SPIDR: variants seen among roughly 807,000 people sequenced by gnomAD.
SPIDR encodes scaffold protein involved in DNA repair.
In SPIDR, 93 loss-of-function variants were observed where a neutral mutation model predicts 104.6. That is an observed-to-expected ratio of 0.89 (90% CI 0.75 to 1.06). The LOEUF is 1.06. SPIDR is among the 50% of genes least tolerant of loss of function. The pLI, the probability that SPIDR is intolerant of heterozygous loss-of-function variation, is 0.00. For missense variants in SPIDR, 1,154 were observed against 1,111.2 expected (o/e 1.04, Z -0.55); for synonymous variants, 431 against 416.9 (o/e 1.03, Z -0.41).
intron 11 of SPIDR, among the ~76,000 whole-genome samples, chr8:47,695,360 C>G (rs945644452): frequency 1.3e-5 from 2 of 151,922 alleles, no homozygotes; most frequent in African/African-American, 2.4e-5. Context: ...ACATTTTATA[C>G]CCAGAATACA....
intron 5 of SPIDR, among the ~76,000 whole-genome samples, chr8:47,297,148 A>G (rs1398737853): frequency 6.6e-6 from 1 of 152,190 alleles, no homozygotes; most frequent in Non-Finnish European, 1.5e-5. Context: ...ATGTGAGACC[A>G]TGACATCAGC....
chr8:47,485,121 C>T (rs782001592), intron 8 of SPIDR, among the ~76,000 whole-genome samples: 9 of 152,290 alleles, frequency 5.9e-5, no homozygotes, highest in Admixed American at 4.6e-4. Context: ...TGATAGACGA[C>T]GCCTGGAAAA....
intron 5 of SPIDR, among the ~76,000 whole-genome samples, chr8:47,365,532 CCT>C (rs1390209295): frequency 6.6e-6 from 1 of 152,122 alleles, no homozygotes; most frequent in East Asian, 1.9e-4. Flanking sequence ...GTTTAGCTGT[CCT>C]CTCTAGGCGG....
intron 12 of SPIDR, among the ~76,000 whole-genome samples, chr8:47,700,698 T>C (rs1009155181): frequency 9.9e-5 from 15 of 152,220 alleles, no homozygotes; most frequent in African/African-American, 3.6e-4. Flanking sequence ...CTGGCTGCCT[T>C]CCCTACTGTG....
intron 7 of SPIDR, among the ~76,000 whole-genome samples, chr8:47,439,243 T>TTC (rs1171935883): frequency 6.6e-6 from 1 of 152,226 alleles, no homozygotes; most frequent in African/African-American, 2.4e-5. Context: ...ATACTCCTCT[T>TTC]TCTCTCTCCT....
chr8:47,390,728 C>T (rs1479886411), intron 5 of SPIDR, among the ~76,000 whole-genome samples: 8 of 151,830 alleles, frequency 5.3e-5, no homozygotes, highest in African/African-American at 1.9e-4. Flanking sequence ...TTATCTGTAT[C>T]TTAAAATATT....
intron 8 of SPIDR, among the ~76,000 whole-genome samples, chr8:47,531,807 A>G (rs1327598952): frequency 6.6e-6 from 1 of 152,226 alleles, no homozygotes; most frequent in East Asian, 1.9e-4. Context: ...ACTGTCATAT[A>G]TGCAGTCTGC....
At chr8:47,462,471 G>T (rs1554714219) in intron 8 of SPIDR, among the ~76,000 whole-genome samples, 1 of 152,074 alleles carries the variant, frequency 6.6e-6, no homozygotes, top group Non-Finnish European at 1.5e-5. Flanking sequence ...ATCTAGTCCT[G>T]CCTCCTGTCT....
intron 5 of SPIDR, among the ~76,000 whole-genome samples, chr8:47,360,338 G>A (rs1208170392): frequency 6.6e-6 from 1 of 151,024 alleles, no homozygotes; most frequent in Admixed American, 6.6e-5. Flanking sequence ...TAATTGCTGT[G>A]TGGTTAGTGA....
At chr8:47,713,947 G>T (rs2082217257) in intron 16 of SPIDR, among the ~76,000 whole-genome samples, 1 of 152,318 alleles carries the variant, frequency 6.6e-6, no homozygotes, top group East Asian at 1.9e-4. Context: ...CTCAAGCTGA[G>T]CTCTGAAGCA....
intron 6 of SPIDR, among the ~76,000 whole-genome samples, chr8:47,404,671 G>A (rs2062461226): frequency 6.6e-6 from 1 of 152,186 alleles, no homozygotes; most frequent in African/African-American, 2.4e-5. Flanking sequence ...ACACCAGTTA[G>A]AATGGCGATC....
chr8:47,424,381 TG>T (rs782530884), intron 7 of SPIDR, among the ~76,000 whole-genome samples: 8 of 152,198 alleles, frequency 5.3e-5, no homozygotes, highest in Non-Finnish European at 1.0e-4. Flanking sequence ...CACAATTCAC[TG>T]CAGCCTTAAC....
At chr8:47,642,910 A>T (rs1002609961) in intron 10 of SPIDR, among the ~76,000 whole-genome samples, 1 of 152,192 alleles carries the variant, frequency 6.6e-6, no homozygotes, top group Non-Finnish European at 1.5e-5. Flanking sequence ...AAATGGAAAA[A>T]CAATGGGATT....
rs782666406 is a variant in SPIDR at position 47,440,415 on chromosome 8, C to T, written c.970C>T (p.Pro324Ser). ...CATGTGTGAGCAGTTATTGGGGTCA[C>T]CAGCCACCAGCTCCTCCCAAAGTGT... ...VAMCEQLLGS[P>S]ATSSSQSVAP... is the part of the protein sequence containing the mutation. The change falls in exon 8 of 20, where the codon CCA becomes TCA. Residue 324 changes from proline (P) to serine (S), a missense_variant. Transcript: ENST00000297423. The T allele has an allele frequency of 2.5e-6, 4 of 1,614,204 alleles. No individual in the cohort carries two copies. In the South Asian group the frequency reaches 4.4e-5, roughly 18 times the overall value.
At chr8:47,291,821 G>A (rs1315085840) in intron 4 of SPIDR, among the ~76,000 whole-genome samples, 1 of 152,138 alleles carries the variant, frequency 6.6e-6, no homozygotes, top group African/African-American at 2.4e-5. Context: ...TGTGGTAGAG[G>A]TGTAACGTAC....
At chr8:47,330,874 G>C in intron 5 of SPIDR, 1 of 453,216 alleles carries the variant, frequency 2.2e-6, no homozygotes, top group Non-Finnish European at 4.4e-6. Context: ...ATACCAAGCA[G>C]AGCAACTATT....
chr8:47,729,003 T>C lies in SPIDR; in HGVS notation c.2506T>C (p.Phe836Leu), dbSNP rs1456545446. 4.3e-6 allele frequency: 7 copies of C among 1,613,872 alleles called. No homozygotes were observed. The highest frequency in any genetic ancestry group is 5.9e-6 in the Non-Finnish European group (7 of 1,180,028). Residue 836 changes from phenylalanine to leucine, a missense_variant, in exon 18 of 20, where the codon TTC (phenylalanine) becomes CTC (leucine). Transcript: ENST00000297423. Reference protein sequence around the residue: ...SPVLKRHLQVFLDCRSRPQCR... With the variant: ...SPVLKRHLQVLLDCRSRPQCR... ...TGTTCTCAAGAGGCACCTGCAGGTC[T>C]TCCTGGACTGCCGCTCAAGACCGCA...
At position 47,279,907 on chromosome 8, in the gene SPIDR, A is replaced by G; in HGVS notation, c.79A>G (p.Arg27Gly). The change falls in exon 2 of 20, where the codon AGA (arginine) becomes GGA (glycine). Residue 27 changes from arginine to glycine, a missense_variant. By Grantham distance (125) the Arg-to-Gly change is moderately radical. Transcript: ENST00000297423. ...NTECPSFPGE[R>G]PLQVRRAGLR... Reference sequence around the variant, plus strand: ...AGAATGCCCATCCTTTCCAGGAGAAAGACCACTGCAGGTCAGAAGAGCAGG... The same window carrying G: ...AGAATGCCCATCCTTTCCAGGAGAAGGACCACTGCAGGTCAGAAGAGCAGG... 10 of 1,613,958 alleles carry G rather than the reference A, an allele frequency of 6.2e-6. No individual in the cohort carries two copies. The highest frequency in any genetic ancestry group is 1.1e-5 in the South Asian group (1 of 91,056).
At chr8:47,501,721 G>A (rs543175684) in intron 8 of SPIDR, among the ~76,000 whole-genome samples, 95 of 152,108 alleles carry the variant, frequency 6.2e-4, no homozygotes, top group African/African-American at 2.2e-3. Context: ...TGTCTTGTGC[G>A]AGTTTTCAAA....
Sources: allele counts gnomAD v4.1 joint callset (sites outside exome capture counted in the v4.1 genomes callset), GRCh38; gene constraint gnomAD v4.1.1; transcripts MANE v1.5; gene names NCBI Gene and HGNC (gene_info 2026-07-23, HGNC 2026-07-21).